Variants in HEMK2 observed in about 807,000 individuals in gnomAD.
HEMK2 encodes the protein methyltransferase HEMK2.
chr21:28,863,038 G>A, the HEMK2 span, among the ~76,000 whole-genome samples: 159 of 152,210 alleles, frequency 1.0e-3, no homozygotes, highest in Middle Eastern at 0.01. Flanking sequence ...GGTTAATACT[G>A]AGTGTCAACT....
chr21:28,701,662 C>T, the HEMK2 span, among the ~76,000 whole-genome samples: 1 of 151,572 alleles, frequency 6.6e-6, no homozygotes, highest in African/African-American at 2.4e-5. Flanking sequence ...TTATAAAACA[C>T]TGTTCAAAGA....
the HEMK2 span, among the ~76,000 whole-genome samples, chr21:28,803,320 C>A: frequency 2.0e-5 from 3 of 152,160 alleles, no homozygotes; most frequent in East Asian, 5.8e-4. Flanking sequence ...GACTAACCAT[C>A]TTCGATCACA....
the HEMK2 span, among the ~76,000 whole-genome samples, chr21:28,767,591 T>C: frequency 7.8e-4 from 119 of 152,168 alleles, 1 homozygote; most frequent in Admixed American, 3.5e-3. Context: ...ATAATACCCT[T>C]GATAATGAAA....
the HEMK2 span, among the ~76,000 whole-genome samples, chr21:28,653,709 A>G: frequency 2.6e-5 from 4 of 152,272 alleles, no homozygotes; most frequent in Non-Finnish European, 5.9e-5. Flanking sequence ...GCTTCCACAG[A>G]AATCTTGGAC....
At chr21:28,603,703 T>C in the HEMK2 span, among the ~76,000 whole-genome samples, 7 of 152,158 alleles carry the variant, frequency 4.6e-5, no homozygotes, top group Admixed American at 2.6e-4. Flanking sequence ...AGGTTTTCTT[T>C]TCCTGGGTTG....
the HEMK2 span, among the ~76,000 whole-genome samples, chr21:28,789,482 A>T: frequency 6.6e-6 from 1 of 152,214 alleles, no homozygotes; most frequent in Middle Eastern, 3.2e-3. Flanking sequence ...ATGAAATGTT[A>T]TGCTATTTTC....
At chr21:28,778,312 G>C in the HEMK2 span, among the ~76,000 whole-genome samples, 1 of 152,082 alleles carries the variant, frequency 6.6e-6, no homozygotes, top group African/African-American at 2.4e-5. Flanking sequence ...TCTTTTTATT[G>C]CTGGGTAGTA....
chr21:28,828,366 T>C, the HEMK2 span, among the ~76,000 whole-genome samples: 7 of 152,146 alleles, frequency 4.6e-5, no homozygotes, highest in African/African-American at 1.7e-4. Flanking sequence ...TGAGGGGCTT[T>C]TCTCCTCTAA....
chr21:28,827,908 T>G, the HEMK2 span, among the ~76,000 whole-genome samples: 5 of 152,212 alleles, frequency 3.3e-5, no homozygotes, highest in Admixed American at 2.0e-4. Context: ...GAAAACTTGC[T>G]CTGAGCCAGT....
chr21:28,862,144 T>C, the HEMK2 span, among the ~76,000 whole-genome samples: 4 of 152,154 alleles, frequency 2.6e-5, no homozygotes, highest in African/African-American at 4.8e-5. Context: ...TTGCATAGAA[T>C]ACAGGAGATT....
At chr21:28,690,194 G>A in the HEMK2 span, among the ~76,000 whole-genome samples, 1 of 152,156 alleles carries the variant, frequency 6.6e-6, no homozygotes, top group Admixed American at 6.5e-5. Context: ...ATCTCCACCT[G>A]GCCCTGCTCT....
At chr21:28,706,985 T>A in the HEMK2 span, among the ~76,000 whole-genome samples, 4 of 152,082 alleles carry the variant, frequency 2.6e-5, no homozygotes, top group African/African-American at 9.7e-5. Flanking sequence ...ACAAAGAAGG[T>A]GGAAATGACA....
the HEMK2 span, among the ~76,000 whole-genome samples, chr21:28,778,949 A>T: frequency 6.6e-6 from 1 of 152,142 alleles, no homozygotes; most frequent in African/African-American, 2.4e-5. Context: ...GATCCAACTT[A>T]ATCGATTTTT....
the HEMK2 span, among the ~76,000 whole-genome samples, chr21:28,583,596 A>G: frequency 6.6e-6 from 1 of 152,228 alleles, no homozygotes. Context: ...TGCATAAATC[A>G]TGGTGCTCAA....
the HEMK2 span, among the ~76,000 whole-genome samples, chr21:28,669,541 G>A: frequency 6.6e-6 from 1 of 152,158 alleles, no homozygotes; most frequent in African/African-American, 2.4e-5. Flanking sequence ...CAGAGTGCCA[G>A]TTCCAAGCTT....
At chr21:28,749,149 G>A in the HEMK2 span, among the ~76,000 whole-genome samples, 1 of 152,036 alleles carries the variant, frequency 6.6e-6, no homozygotes, top group Non-Finnish European at 1.5e-5. Flanking sequence ...CAAAAGAGTG[G>A]ACTACCCTCC....
chr21:28,713,958 T>C, the HEMK2 span, among the ~76,000 whole-genome samples: 1 of 152,238 alleles, frequency 6.6e-6, no homozygotes, highest in Non-Finnish European at 1.5e-5. Context: ...GACTCTTAAG[T>C]TACTTGTTCA....
the HEMK2 span, among the ~76,000 whole-genome samples, chr21:28,867,343 A>T: frequency 4.6e-5 from 7 of 152,226 alleles, no homozygotes. Context: ...TATTAAGCAG[A>T]AAACTCAATT....
At chr21:28,866,164 AC>A in the HEMK2 span, among the ~76,000 whole-genome samples, 85 of 100,392 alleles carry the variant, frequency 8.5e-4, 7 homozygotes, top group Middle Eastern at 9.7e-3. Flanking sequence ...ACAAAAACAA[AC>A]AAAAAAAAAA....
Sources: allele counts gnomAD v4.1 joint callset (sites outside exome capture counted in the v4.1 genomes callset), GRCh38; gene constraint gnomAD v4.1.1; transcripts MANE v1.5; gene names NCBI Gene and HGNC (gene_info 2026-07-23, HGNC 2026-07-21).